The following FARP2 variants were observed in gnomAD, a reference collection of about 807,000 sequenced individuals.
FARP2 encodes the protein FERM, ARHGEF and pleckstrin domain-containing protein 2.
FARP2 carries 111 observed loss-of-function variants against 130.5 expected under a neutral mutation model. The observed-to-expected ratio is 0.85, with a 90% confidence interval of 0.73 to 1.00. FARP2 has a LOEUF of 1.00. Ranked by LOEUF, FARP2 falls within the 50% of genes least tolerant of loss-of-function variation. FARP2 has a pLI of 0.00. For missense variants in FARP2, 1,385 were observed against 1,346.3 expected, an observed-to-expected ratio of 1.03 and a Z score of -0.45; for synonymous variants, 504 against 516.9, an observed-to-expected ratio of 0.98 and a Z score of 0.34.
chr2:241,490,333 C>T (rs1025742575), intron 22 of FARP2, among the ~76,000 whole-genome samples: 2 of 152,218 alleles, frequency 1.3e-5, no homozygotes, highest in Non-Finnish European at 2.9e-5. Flanking sequence ...AAAGACAGGA[C>T]GGGTGAGTGG....
chr2:241,358,635 C>A (rs1385216569), intron 1 of FARP2, among the ~76,000 whole-genome samples: 1 of 152,194 alleles, frequency 6.6e-6, no homozygotes, highest in East Asian at 1.9e-4. Context: ...CCAGCTTCCC[C>A]TTTACTCAGT....
At chr2:241,419,809 A>G (rs183091103) in intron 8 of FARP2, among the ~76,000 whole-genome samples, 3 of 152,312 alleles carry the variant, frequency 2.0e-5, no homozygotes, top group Admixed American at 1.3e-4. Context: ...TTTTATTTTT[A>G]TCAGCCTTGT....
chr2:241,435,972 G>T (rs1402742355), intron 11 of FARP2, among the ~76,000 whole-genome samples: 4 of 135,274 alleles, frequency 3.0e-5, no homozygotes, highest in Non-Finnish European at 4.6e-5. Flanking sequence ...GAGTGCAGTA[G>T]TGTGATCTCG....
rs560037109 is a variant in FARP2 at position 241,376,948 on chromosome 2, C to T, written c.183+3658C>T. On this transcript the variant is annotated intron_variant, in intron 2 of 26. Coordinates refer to ENST00000264042, the MANE Select transcript of FARP2 (RefSeq NM_014808.4). ...GTGCCTCTGGTGTTTGGAACAGGGC[C>T]TTGCTGAGTAAACGTGTTAAATGAA... 7.9e-5 allele frequency among the ~76,000 whole-genome samples: 12 copies of T among 152,286 alleles called. No homozygotes were observed. In the South Asian group the frequency reaches 1.7e-3, roughly 21 times the overall value.
In FARP2 at chr2:241,475,839, A is replaced by AG. The variant is rs2064442861; in HGVS notation, c.2132-14dup. ...CACCACTGCCTGTACACCTGTACTG[A>AG]GGGGTCTCTCCACACAGACGCCCTG... is the stretch of plus-strand genomic sequence containing the variant. On this transcript the variant is annotated splice_polypyrimidine_tract_variant and intron_variant, in intron 18 of 26. Coordinates refer to ENST00000264042, the MANE Select transcript of FARP2 (RefSeq NM_014808.4). The surrounding 1 kb of genome is among the most constrained non-coding windows in gnomAD (Gnocchi z 4.4). 1 of 1,605,266 alleles carries AG rather than the reference A, an allele frequency of 6.2e-7. No homozygotes were observed. The highest frequency in any genetic ancestry group is 8.5e-7 in the Non-Finnish European group (1 of 1,175,720).
At chr2:241,485,139 C>T (rs1490364440) in intron 21 of FARP2, among the ~76,000 whole-genome samples, 2 of 151,936 alleles carry the variant, frequency 1.3e-5, no homozygotes, top group Non-Finnish European at 2.9e-5. Context: ...CCTTGAGATC[C>T]TCCCTTCTTG....
At chr2:241,466,658 G>A in intron 17 of FARP2, 2 of 971,534 alleles carry the variant, frequency 2.1e-6, no homozygotes, top group Non-Finnish European at 2.4e-6. Context: ...CCAGGCAGCG[G>A]GCCAGCCCCG....
At chr2:241,366,826 G>C (rs141263560) in intron 1 of FARP2, among the ~76,000 whole-genome samples, 1 of 151,950 alleles carries the variant, frequency 6.6e-6, no homozygotes, top group African/African-American at 2.4e-5. Context: ...AGTTGAAAAA[G>C]CTGGGGCTGG....
intron 20 of FARP2, chr2:241,483,755 CCTT>C (rs2064684930): frequency 2.0e-6 from 2 of 977,276 alleles, no homozygotes; most frequent in African/African-American, 1.7e-5. Flanking sequence ...GGGCCAGCCT[CCTT>C]CTTCATTCCA....
intron 1 of FARP2, among the ~76,000 whole-genome samples, chr2:241,359,637 C>A (rs573049416): frequency 1.3e-5 from 2 of 152,318 alleles, no homozygotes; most frequent in South Asian, 2.1e-4. Flanking sequence ...GGCTAGCCAG[C>A]GGTGCTGCCT....
chr2:241,356,620 C>G lies in FARP2; in HGVS notation c.-25+232C>G, dbSNP rs1483015624. Reference sequence around the variant, plus strand: ...AGGGAGCCTGCCGCGTGGGGGCAGGCGGGGCGGTGGGCCGGGGAGTGGCCC... The same window carrying G: ...AGGGAGCCTGCCGCGTGGGGGCAGGGGGGGCGGTGGGCCGGGGAGTGGCCC... On this transcript the variant is annotated intron_variant, in intron 1 of 26. Transcript: ENST00000264042. Among the ~76,000 whole-genome samples, 3 of 152,076 alleles carry G rather than the reference C, an allele frequency of 2.0e-5. No homozygotes were observed. The South Asian group carries it at 6.2e-4, about 31-fold the overall frequency.
intron 14 of FARP2, among the ~76,000 whole-genome samples, chr2:241,461,705 C>T (rs571436032): frequency 9.2e-5 from 14 of 152,350 alleles, no homozygotes; most frequent in African/African-American, 2.6e-4. Flanking sequence ...GATATTTGCA[C>T]GGCCCACCTA....
chr2:241,388,656 A>G (rs1431156562), intron 2 of FARP2, among the ~76,000 whole-genome samples: 1 of 152,170 alleles, frequency 6.6e-6, no homozygotes, highest in Non-Finnish European at 1.5e-5. Flanking sequence ...CAACATAGCA[A>G]GATCCCGTCA....
intron 2 of FARP2, among the ~76,000 whole-genome samples, chr2:241,403,509 G>A (rs2062247203): frequency 6.6e-6 from 1 of 152,096 alleles, no homozygotes; most frequent in South Asian, 2.1e-4. Context: ...ACCGCACCTG[G>A]TGTAAATATC....
At chr2:241,456,617 C>T in intron 13 of FARP2, 130 bp from the exon 14 acceptor site, 2 of 799,298 alleles carry the variant, frequency 2.5e-6, no homozygotes, top group Non-Finnish European at 4.2e-6. Flanking sequence ...TGTACATACA[C>T]ATTTTACAGG....
chr2:241,361,973 C>T (rs998573679), intron 1 of FARP2, among the ~76,000 whole-genome samples: 2 of 151,908 alleles, frequency 1.3e-5, no homozygotes, highest in Non-Finnish European at 2.9e-5. Flanking sequence ...TGGCTCACTG[C>T]AACCTCCGCC....
intron 1 of FARP2, among the ~76,000 whole-genome samples, chr2:241,366,165 T>C (rs1051844162): frequency 3.3e-5 from 2 of 60,768 alleles, no homozygotes; most frequent in Non-Finnish European, 7.0e-5. Flanking sequence ...ATTTTCTTCC[T>C]CTTTTAACAG....
chr2:241,400,464 TCAG>T (rs1490566788), intron 2 of FARP2, among the ~76,000 whole-genome samples: 1 of 152,148 alleles, frequency 6.6e-6, no homozygotes, highest in African/African-American at 2.4e-5. Context: ...CGGGTCACAG[TCAG>T]CAGCAATGCC....
rs530735714 is a variant in FARP2, at chr2:241,485,718, G to A, written c.2421+1387G>A. Reference sequence around the variant, plus strand: ...CCTCCCTGGGGTCCTCCTTCCCTAGGATCTTCCCTTCCTGGGGTCCTCCTT... The same window carrying A: ...CCTCCCTGGGGTCCTCCTTCCCTAGAATCTTCCCTTCCTGGGGTCCTCCTT... On this transcript the variant is annotated intron_variant, in intron 21 of 26. Transcript: ENST00000264042. 1.4e-3 allele frequency among the ~76,000 whole-genome samples: 193 copies of A among 142,836 alleles called. 1 individual carries two copies. Among genetic ancestry groups the A allele is most frequent in the Non-Finnish European group, 2.1e-3 (135 of 65,070 alleles). The allele number at this position is 142,836 out of a possible 152,430, so 93.7% of individuals were successfully genotyped here.
Sources: allele counts gnomAD v4.1 joint callset (sites outside exome capture counted in the v4.1 genomes callset), GRCh38; gene constraint gnomAD v4.1.1; non-coding constraint Gnocchi (gnomAD v3.1); transcripts MANE v1.5; gene names NCBI Gene and HGNC (gene_info 2026-07-23, HGNC 2026-07-21).